Variants in NAALADL2 observed in about 807,000 individuals in gnomAD.
NAALADL2 encodes the protein N-acetylated alpha-linked acidic dipeptidase like 2, also known as inactive N-acetylated-alpha-linked acidic dipeptidase-like protein 2.
A neutral mutation model predicts 87.2 loss-of-function variants in NAALADL2; 76 were observed. The ratio of observed to expected loss-of-function variants is 0.87; its 90% CI spans 0.72 to 1.05. The LOEUF is 1.05. NAALADL2 is among the 50% of genes least tolerant of loss of function. The pLI is 0.00. For missense variants in NAALADL2, 1,089 were observed against 945.8 expected (o/e 1.15, Z -1.99); for synonymous variants, 354 against 331.0 (o/e 1.07, Z -0.75).
At chr3:174,837,603 G>A (rs1216050723) in intron 3 of NAALADL2, among the ~76,000 whole-genome samples, 1 of 152,108 alleles carries the variant, frequency 6.6e-6, no homozygotes, top group Non-Finnish European at 1.5e-5. Context: ...AGACCAGCCT[G>A]GCCAACATGG....
intron 9 of NAALADL2, among the ~76,000 whole-genome samples, chr3:175,530,499 G>A (rs981070921): frequency 6.6e-6 from 1 of 152,162 alleles, no homozygotes; most frequent in Admixed American, 6.5e-5. Context: ...CTTCATTGCT[G>A]TCCTTCAGGA....
chr3:174,762,448 C>G (rs1033498476), intron 3 of NAALADL2, among the ~76,000 whole-genome samples: 1 of 143,004 alleles, frequency 7.0e-6, no homozygotes, highest in Non-Finnish European at 1.5e-5. Flanking sequence ...CCACCGCGCC[C>G]AGCAGCATTC....
intron 3 of NAALADL2, among the ~76,000 whole-genome samples, chr3:174,787,596 T>TATACATATATATATATACAC (rs1553855395): frequency 1.5e-5 from 1 of 65,812 alleles, no homozygotes; most frequent in African/African-American, 5.3e-5. Context: ...TATATATATA[T>TATACATATATATATATACAC]ATATATATAT....
intron 2 of NAALADL2, among the ~76,000 whole-genome samples, chr3:174,651,928 C>G (rs188130317): frequency 6.6e-6 from 1 of 152,132 alleles, no homozygotes; most frequent in African/African-American, 2.4e-5. Flanking sequence ...CCATGTAATC[C>G]ACCACCCAAA....
chr3:174,810,134 T>A (rs917418314), intron 3 of NAALADL2, among the ~76,000 whole-genome samples: 3 of 152,184 alleles, frequency 2.0e-5, no homozygotes, highest in Non-Finnish European at 4.4e-5. Context: ...TCTCATGTAT[T>A]CCTTTATAAC....
At chr3:175,651,826 A>G (rs867360684) in intron 11 of NAALADL2, among the ~76,000 whole-genome samples, 2 of 152,232 alleles carry the variant, frequency 1.3e-5, no homozygotes, top group Non-Finnish European at 2.9e-5. Flanking sequence ...ATGTTACTGC[A>G]CAACCAATGT....
intron 2 of NAALADL2, among the ~76,000 whole-genome samples, chr3:174,622,416 A>G (rs1163513447): frequency 6.6e-6 from 1 of 152,242 alleles, no homozygotes; most frequent in Non-Finnish European, 1.5e-5. Context: ...ATACAAGAAC[A>G]TTATGTTTAG....
intron 1 of NAALADL2, among the ~76,000 whole-genome samples, chr3:174,535,268 G>T (rs2108450640): frequency 6.6e-6 from 1 of 152,128 alleles, no homozygotes; most frequent in African/African-American, 2.4e-5. Flanking sequence ...ATGACAGTAG[G>T]GTACTTAAAG....
chr3:175,066,880 T>C (rs1202695452), intron 1 of NAALADL2, among the ~76,000 whole-genome samples: 1 of 152,164 alleles, frequency 6.6e-6, no homozygotes, highest in Non-Finnish European at 1.5e-5. Context: ...CTGATACCCA[T>C]GTTGTCATTT....
At chr3:175,460,002 C>T (rs917958768) in intron 6 of NAALADL2, 1 of 317,382 alleles carries the variant, frequency 3.2e-6, no homozygotes, top group African/African-American at 2.2e-5. Context: ...AGTCATTTCC[C>T]TGTTTCACAT....
At chr3:174,640,628 G>C (rs904857934) in intron 2 of NAALADL2, among the ~76,000 whole-genome samples, 1 of 152,200 alleles carries the variant, frequency 6.6e-6, no homozygotes, top group African/African-American at 2.4e-5. Context: ...AGAACCCTCA[G>C]GAAGGCTTGG....
At chr3:175,352,948 A>G (rs1353026345) in intron 5 of NAALADL2, among the ~76,000 whole-genome samples, 3 of 152,108 alleles carry the variant, frequency 2.0e-5, no homozygotes, top group Non-Finnish European at 4.4e-5. Context: ...GGACTCCAGC[A>G]GGTATTCATT....
chr3:175,132,931 G>A (rs908740960), intron 2 of NAALADL2, among the ~76,000 whole-genome samples: 5 of 151,744 alleles, frequency 3.3e-5, no homozygotes, highest in African/African-American at 9.7e-5. Context: ...TCTCAGACGG[G>A]GCGGTTGCCA....
chr3:175,094,979 C>T (rs764388150), intron 1 of NAALADL2, among the ~76,000 whole-genome samples: 1 of 152,002 alleles, frequency 6.6e-6, no homozygotes, highest in Admixed American at 6.6e-5. Flanking sequence ...GACAACACTA[C>T]AAAGTTTATA....
chr3:175,525,410 C>G (rs1045475751), intron 9 of NAALADL2, among the ~76,000 whole-genome samples: 4 of 152,150 alleles, frequency 2.6e-5, no homozygotes, highest in African/African-American at 4.8e-5. Context: ...TATCCATTCT[C>G]TGAGTCTAGC....
chr3:174,586,393 CA>C (rs1716723105), intron 2 of NAALADL2, among the ~76,000 whole-genome samples: 1 of 151,976 alleles, frequency 6.6e-6, no homozygotes, highest in Non-Finnish European at 1.5e-5. Flanking sequence ...TAGAAGTTTC[CA>C]GGTCAAAGGT....
chr3:175,347,568 G>A (rs573837514), intron 5 of NAALADL2, among the ~76,000 whole-genome samples: 16 of 152,044 alleles, frequency 1.1e-4, no homozygotes, highest in African/African-American at 1.9e-4. Flanking sequence ...AAATAACCCC[G>A]TCACCACCCC....
intron 3 of NAALADL2, among the ~76,000 whole-genome samples, chr3:174,766,816 C>A (rs1217482707): frequency 1.3e-5 from 2 of 152,146 alleles, no homozygotes; most frequent in South Asian, 4.2e-4. Context: ...ATTTCTTGCC[C>A]TTTGAGAGCT....
At chr3:174,575,049 T>C (rs1440240606) in intron 2 of NAALADL2, among the ~76,000 whole-genome samples, 1 of 152,128 alleles carries the variant, frequency 6.6e-6, no homozygotes, top group Non-Finnish European at 1.5e-5. Flanking sequence ...AATGGCTGTG[T>C]CATAGGGTAG....
Sources: allele counts gnomAD v4.1 joint callset (sites outside exome capture counted in the v4.1 genomes callset), GRCh38; gene constraint gnomAD v4.1.1; transcripts MANE v1.5; gene names NCBI Gene and HGNC (gene_info 2026-07-23, HGNC 2026-07-21).